NBPF20: variants seen among roughly 807,000 people sequenced by gnomAD.
The protein encoded by NBPF20 is NBPF family member NBPF20.
Under a neutral mutation model 68.1 loss-of-function variants are expected in NBPF20, and 90 were observed. The ratio of observed to expected loss-of-function variants is 1.32; its 90% CI spans 1.11 to 1.58. NBPF20 has a LOEUF of 1.58. Ranked by LOEUF, NBPF20 falls within the 40% of genes most tolerant of loss-of-function variation. The pLI is 0.00. For missense variants in NBPF20, 816 were observed against 601.2 expected (o/e 1.36, Z -3.74); for synonymous variants, 290 against 228.1 (o/e 1.27, Z -2.45).
At chr1:145,292,426 C>T (rs782301448) in exon 137 of NBPF20, 3 of 701,286 alleles carry the variant, frequency 4.3e-6, no homozygotes, top group East Asian at 2.5e-5. Context: ...TTTTCTTCCC[C>T]TTCTTCTTTT....
the NBPF20 span, among the ~76,000 whole-genome samples, chr1:145,422,397 C>T: frequency 1.2e-4 from 17 of 147,678 alleles, no homozygotes; most frequent in African/African-American, 1.8e-4. Flanking sequence ...TACCAACACC[C>T]GTATGTAGCC....
chr1:145,415,164 G>C, the NBPF20 span, among the ~76,000 whole-genome samples: 1 of 151,432 alleles, frequency 6.6e-6, no homozygotes, highest in African/African-American at 2.4e-5. Flanking sequence ...TCATAAACAA[G>C]GTAAAGAAAA....
intron 5 of NBPF20, 95 bp downstream of exon 10, chr1:145,400,964 G>T (rs1662494974): frequency 9.3e-6 from 14 of 1,499,756 alleles, no homozygotes; most frequent in Non-Finnish European, 9.3e-7. Context: ...GCAAATGTGG[G>T]TTTTTGGCCG....
At chr1:145,410,814 ACG>A in the NBPF20 span, among the ~76,000 whole-genome samples, 1,523 of 47,556 alleles carry the variant, frequency 0.032, 47 homozygotes, top group African/African-American at 0.095. Context: ...GTATATATAT[ACG>A]TATATATATA....
chr1:145,411,558 T>C, the NBPF20 span, among the ~76,000 whole-genome samples: 1 of 80,304 alleles, frequency 1.2e-5, no homozygotes, highest in Non-Finnish European at 2.5e-5. Flanking sequence ...GCCTAGCTAA[T>C]TTTTTGTATT....
intron 6 of NBPF20, 109 bp downstream of exon 11, chr1:145,400,280 C>A (rs1662457903): frequency 6.3e-7 from 1 of 1,589,084 alleles, no homozygotes; most frequent in Non-Finnish European, 8.6e-7. Context: ...TGTTTAGAAA[C>A]CCATCACAGT....
At position 145,400,621 on chromosome 1, in the gene NBPF20, A is replaced by G. The variant is rs1264235729; in HGVS notation, c.567-27T>C. ...TGATGAGCCAGGTGGGACAGAGATG[A>G]CAGAAGATTAAACACAGAGGGATTG... On this transcript the variant is annotated intron_variant, in intron 5 of 137. Coordinates refer to ENST00000369373, the Ensembl canonical transcript of NBPF20. 6.3e-5 allele frequency: 101 copies of G among 1,601,532 alleles called. No homozygotes were observed. In the African/African-American group the frequency reaches 1.3e-3, roughly 20 times the overall value.
chr1:145,290,543 TCAC>T (rs1661000657), exon 138 of NBPF20: 1 of 150,616 alleles, frequency 6.6e-6, no homozygotes, highest in South Asian at 2.1e-4. Context: ...CAAGTCCATG[TCAC>T]CACCATCCAT....
chr1:145,413,563 G>T, the NBPF20 span, among the ~76,000 whole-genome samples: 1 of 151,788 alleles, frequency 6.6e-6, no homozygotes, highest in African/African-American at 2.4e-5. Context: ...AAGAGTGTGA[G>T]AAAAATGATA....
chr1:145,334,911 A>T (rs1661563014), intron 83 of NBPF20, among the ~76,000 whole-genome samples: 1 of 130,786 alleles, frequency 7.6e-6, no homozygotes, highest in African/African-American at 2.6e-5. Flanking sequence ...GAAGGGGTCA[A>T]AGGACACTCT....
intron 7 of NBPF20, among the ~76,000 whole-genome samples, chr1:145,397,438 C>T (rs1294663937): frequency 5.3e-5 from 8 of 152,202 alleles, no homozygotes; most frequent in African/African-American, 1.7e-4. Context: ...CTTCAACATT[C>T]TTAAAGAAAA....
chr1:145,421,493 T>C, the NBPF20 span, among the ~76,000 whole-genome samples: 1 of 152,186 alleles, frequency 6.6e-6, no homozygotes, highest in Admixed American at 6.5e-5. Context: ...TTGTTGAATA[T>C]GGTATTAGTA....
the NBPF20 span, among the ~76,000 whole-genome samples, chr1:145,424,502 C>T: frequency 3.3e-5 from 5 of 152,212 alleles, no homozygotes; most frequent in Non-Finnish European, 7.3e-5. Context: ...TTTTCTTTAA[C>T]TTCGTGAAGC....
exon 4 of NBPF20, chr1:145,402,233 C>A (rs1254304259): frequency 6.2e-7 from 1 of 1,607,732 alleles, no homozygotes; most frequent in Non-Finnish European, 8.5e-7. Context: ...TCTTGGAGGT[C>A]CTGCCCCTGG....
At chr1:145,291,565 G>C (rs1281277547) in exon 138 of NBPF20, 20 of 1,612,038 alleles carry the variant, frequency 1.2e-5, no homozygotes, top group African/African-American at 1.1e-4. Context: ...ACACCAGGTG[G>C]AGACTTGTCA....
At chr1:145,407,645 G>A (rs1222784761), upstream of NBPF20, 3 of 150,982 alleles carry the variant, frequency 2.0e-5, no homozygotes, top group African/African-American at 7.3e-5. Context: ...ACAGCTAGCA[G>A]AGTCGTGGCG....
At chr1:145,406,610 A>T (rs587641503), upstream of NBPF20, among the ~76,000 whole-genome samples, 44 of 150,764 alleles carry the variant, frequency 2.9e-4, no homozygotes, top group East Asian at 7.9e-3. Flanking sequence ...TAATATTTTC[A>T]GTCTTTTAAA....
intron 43 of NBPF20, 136 bp from the exon 49 acceptor site, chr1:145,366,488 T>C (rs1661694457): frequency 3.7e-6 from 1 of 269,636 alleles, no homozygotes; most frequent in Non-Finnish European, 6.2e-6. Context: ...TAACAAATTA[T>C]TGCCTTCATG....
In NBPF20 at chr1:145,405,430, C is replaced by T; in HGVS notation, c.-56G>A. 6 of 1,576,734 alleles carry T rather than the reference C, an allele frequency of 3.8e-6. No individual in the cohort carries two copies. The highest frequency in any genetic ancestry group is 1.8e-5 in the Admixed American group (1 of 54,488). On this transcript the variant is annotated 5_prime_UTR_variant, in exon 1 of 138. In the 5' UTR this introduces an upstream ATG that the reference lacks. Transcript: ENST00000369373. ...CTTACTGTTGTGAAAAATGTGATCA[C>T]TCCCCACAGCACTTTAGGATCCTTC...
Sources: gnomAD v4.1 joint callset for allele counts (sites outside exome capture counted in the v4.1 genomes callset) on GRCh38, gnomAD v4.1.1 for gene constraint, MANE v1.5 for transcripts, NCBI Gene and HGNC (gene_info 2026-07-23, HGNC 2026-07-21) for gene names.